DLG2: variants seen among roughly 807,000 people sequenced by gnomAD.
DLG2 encodes the protein disks large homolog 2.
Under a neutral mutation model 132.5 loss-of-function variants are expected in DLG2, and 45 were observed. The ratio of observed to expected loss-of-function variants is 0.34; its 90% CI spans 0.27 to 0.44. The LOEUF is 0.44. Ranked by LOEUF, DLG2 falls within the 20% of genes least tolerant of loss-of-function variation. The pLI is 1.00. For synonymous variants in DLG2, 424 were observed against 419.6 expected (o/e 1.01, Z -0.13); for missense variants, 1,045 against 1,196.9 (o/e 0.87, Z 1.87).
chr11:85,177,536 G>A (rs913237342), intron 4 of DLG2, among the ~76,000 whole-genome samples: 4 of 152,054 alleles, frequency 2.6e-5, no homozygotes, highest in African/African-American at 9.7e-5. Flanking sequence ...GGCAGAGTGA[G>A]GGAGAGCATC....
chr11:83,556,076 A>G (rs534629094), intron 19 of DLG2, among the ~76,000 whole-genome samples: 5 of 152,312 alleles, frequency 3.3e-5, no homozygotes, highest in Admixed American at 6.5e-5. Flanking sequence ...CAGCCACTCA[A>G]CAGAATTCAG....
At chr11:84,093,421 C>T (rs1288886212) in intron 10 of DLG2, among the ~76,000 whole-genome samples, 2 of 152,184 alleles carry the variant, frequency 1.3e-5, no homozygotes, top group Admixed American at 1.3e-4. Flanking sequence ...GTACATCACA[C>T]ATCTTTAACT....
intron 7 of DLG2, among the ~76,000 whole-genome samples, chr11:84,488,805 T>C (rs1567764580): frequency 1.3e-5 from 2 of 152,120 alleles, no homozygotes; most frequent in Admixed American, 6.6e-5. Context: ...AATACTGTAG[T>C]TTATCTGTAA....
chr11:84,501,167 T>C (rs2099203612), intron 7 of DLG2, among the ~76,000 whole-genome samples: 1 of 152,270 alleles, frequency 6.6e-6, no homozygotes, highest in Non-Finnish European at 1.5e-5. Context: ...ATGGGGAATA[T>C]AAGCTTCCAA....
At chr11:83,714,408 T>C (rs77110484) in intron 18 of DLG2, among the ~76,000 whole-genome samples, 2,224 of 152,270 alleles carry the variant, frequency 0.015, 52 homozygotes, top group African/African-American at 0.051. Flanking sequence ...CTCCATATGG[T>C]AGATAGTATA....
intron 5 of DLG2, among the ~76,000 whole-genome samples, chr11:85,129,110 T>C (rs11234302): frequency 0.47 from 71,079 of 152,040 alleles, 16,896 homozygotes; most frequent in South Asian, 0.62. Flanking sequence ...AAACATGTTC[T>C]TTCTCTTTCT....
chr11:85,312,602 T>G (rs2080385763), intron 3 of DLG2, among the ~76,000 whole-genome samples: 1 of 151,934 alleles, frequency 6.6e-6, no homozygotes, highest in Non-Finnish European at 1.5e-5. Flanking sequence ...AAGTTTCAGT[T>G]TGACTCTGAT....
intron 3 of DLG2, among the ~76,000 whole-genome samples, chr11:85,549,543 C>T (rs1040743436): frequency 2.0e-5 from 3 of 152,064 alleles, no homozygotes; most frequent in Admixed American, 6.5e-5. Context: ...AATATAAAAA[C>T]GTCAGAGGCA....
intron 7 of DLG2, among the ~76,000 whole-genome samples, chr11:84,359,722 G>A (rs2098638505): frequency 6.6e-6 from 1 of 150,448 alleles, no homozygotes; most frequent in Non-Finnish European, 1.5e-5. Context: ...AATGAGTGAG[G>A]GATAAAATGT....
At chr11:84,775,925 GGAGT>G (rs1292170020) in intron 6 of DLG2, among the ~76,000 whole-genome samples, 7 of 152,186 alleles carry the variant, frequency 4.6e-5, no homozygotes, top group Non-Finnish European at 1.0e-4. Flanking sequence ...AATTAGGAAA[GGAGT>G]GAGTCCATTT....
intron 4 of DLG2, among the ~76,000 whole-genome samples, chr11:85,214,752 C>A (rs1463950973): frequency 3.3e-5 from 5 of 152,196 alleles, no homozygotes; most frequent in Non-Finnish European, 5.9e-5. Context: ...TTAAATTTAT[C>A]TTCTTAAATT....
At chr11:85,246,196 T>G (rs182460750) in intron 4 of DLG2, among the ~76,000 whole-genome samples, 1 of 151,944 alleles carries the variant, frequency 6.6e-6, no homozygotes, top group African/African-American at 2.4e-5. Flanking sequence ...TATAAAAGTA[T>G]CAAGAAATAT....
chr11:84,923,155 T>C (rs1343776446), intron 6 of DLG2: 1 of 1,613,258 alleles, frequency 6.2e-7, no homozygotes, highest in African/African-American at 1.3e-5. Flanking sequence ...GGTATTCAGC[T>C]TCTCAGCACA....
chr11:84,692,366 C>T (rs7109341), intron 6 of DLG2, among the ~76,000 whole-genome samples: 56,479 of 151,548 alleles, frequency 0.37, 13,984 homozygotes, highest in African/African-American at 0.71. Context: ...GTTCTGGCAA[C>T]ATGTATCTGT....
At chr11:85,071,114 A>G (rs1344690952) in intron 6 of DLG2, among the ~76,000 whole-genome samples, 1 of 151,890 alleles carries the variant, frequency 6.6e-6, no homozygotes, top group Non-Finnish European at 1.5e-5. Context: ...GGAGGATTAA[A>G]TGAATTCATC....
intron 6 of DLG2, among the ~76,000 whole-genome samples, chr11:85,071,464 A>G (rs1239163180): frequency 6.6e-6 from 1 of 151,908 alleles, no homozygotes; most frequent in Non-Finnish European, 1.5e-5. Context: ...AGATAATAAC[A>G]TAAGTGAATG....
intron 6 of DLG2, among the ~76,000 whole-genome samples, chr11:85,107,984 G>A (rs1293495644): frequency 4.9e-5 from 5 of 101,628 alleles, no homozygotes; most frequent in East Asian, 3.2e-4. Flanking sequence ...CATAGGTGCC[G>A]AGGGCCAAAA....
intron 6 of DLG2, among the ~76,000 whole-genome samples, chr11:84,954,251 C>T (rs2051332622): frequency 6.6e-6 from 1 of 151,480 alleles, no homozygotes; most frequent in South Asian, 2.1e-4. Flanking sequence ...CTTTCACCAA[C>T]TGAGTCACAA....
At chr11:85,002,411 T>C (rs2058294454) in intron 6 of DLG2, among the ~76,000 whole-genome samples, 1 of 152,144 alleles carries the variant, frequency 6.6e-6, no homozygotes, top group Admixed American at 6.6e-5. Flanking sequence ...ACAATGATAA[T>C]GCTTTAAAGA....
Sources: allele counts gnomAD v4.1 joint callset (sites outside exome capture counted in the v4.1 genomes callset), GRCh38; gene constraint gnomAD v4.1.1; transcripts MANE v1.5; gene names NCBI Gene and HGNC (gene_info 2026-07-23, HGNC 2026-07-21).